Variants in FAM171A1 observed in about 807,000 individuals in gnomAD.
FAM171A1 encodes family with sequence similarity 171 member A1.
A neutral mutation model predicts 74.9 loss-of-function variants in FAM171A1; 23 were observed. The observed-to-expected ratio is 0.31, with a 90% CI of 0.22 to 0.44. The LOEUF (loss-of-function observed/expected upper bound fraction) is 0.44, where lower values mean the gene tolerates loss of function less well. FAM171A1 is among the 20% of genes least tolerant of loss of function. The pLI is 1.00. For synonymous variants in FAM171A1, 527 were observed against 505.7 expected (o/e 1.04, Z -0.57); for missense variants, 1,162 against 1,159.2 (o/e 1.00, Z -0.03).
intron 5 of FAM171A1, among the ~76,000 whole-genome samples, chr10:15,223,021 G>A (rs983088563): frequency 6.6e-5 from 10 of 152,218 alleles, no homozygotes; most frequent in African/African-American, 2.4e-4. Context: ...TACAAGGGGA[G>A]CGACAACGTA....
intron 1 of FAM171A1, among the ~76,000 whole-genome samples, chr10:15,332,622 A>T (rs1209345523): frequency 6.6e-6 from 1 of 152,202 alleles, no homozygotes; most frequent in Non-Finnish European, 1.5e-5. Flanking sequence ...GATGAGTGTC[A>T]TGAATTTATG....
Position 15,275,921 on chromosome 10 carries a change from G to T in FAM171A1, c.352C>A (p.Leu118Ile), listed in dbSNP as rs1386997811. ...PVFSSLSLGL[L>I]PERSATLMVY... ...ATTAGAGTGGCAGAGCGTTCTGGAA[G>T]CAGGCCAAGGCTCAGAGAGGAAAAT... The change falls in exon 3 of 8, where the codon CTT becomes ATT. Residue 118 changes from leucine to isoleucine, a missense_variant. Coordinates refer to ENST00000378116, the MANE Select transcript of FAM171A1 (RefSeq NM_001010924.2). 2 of 1,612,498 alleles carry T rather than the reference G, an allele frequency of 1.2e-6. No individual in the cohort carries two copies. Among genetic ancestry groups the T allele is most frequent in the South Asian group, 2.2e-5 (2 of 90,762 alleles).
At position 15,248,634 on chromosome 10, in the gene FAM171A1, C is replaced by CT; in HGVS notation, c.754+4dup. On this transcript the variant is annotated splice_donor_region_variant and intron_variant, in intron 5 of 7. Transcript: ENST00000378116. ...GCCGATTGTCGGCACAGAACTCTTGCTTACCCAGCTTCTGGTCAAACCGCC... is the reference window on the plus strand; with the variant it reads ...GCCGATTGTCGGCACAGAACTCTTGCTTTACCCAGCTTCTGGTCAAACCGCC... The CT allele has an allele frequency of 6.3e-7, 1 of 1,598,132 alleles. No homozygotes were observed. Among genetic ancestry groups the CT allele is most frequent in the Non-Finnish European group, 8.5e-7 (1 of 1,171,882 alleles).
chr10:15,266,085 C>T (rs1285950471), intron 3 of FAM171A1, among the ~76,000 whole-genome samples: 1 of 152,146 alleles, frequency 6.6e-6, no homozygotes, highest in Non-Finnish European at 1.5e-5. Flanking sequence ...CCCACGGACG[C>T]CGTCTGCTCC....
chr10:15,235,441 A>G (rs1269993561), intron 5 of FAM171A1, among the ~76,000 whole-genome samples: 1 of 149,880 alleles, frequency 6.7e-6, no homozygotes, highest in African/African-American at 2.5e-5. Flanking sequence ...CATACACATG[A>G]CATCCATGGC....
At chr10:15,312,400 T>C (rs574717091) in intron 1 of FAM171A1, among the ~76,000 whole-genome samples, 1 of 152,258 alleles carries the variant, frequency 6.6e-6, no homozygotes, top group East Asian at 1.9e-4. Flanking sequence ...TTAAAGCCTC[T>C]GAACCCTTTA....
At chr10:15,332,596 T>G (rs530482511) in intron 1 of FAM171A1, among the ~76,000 whole-genome samples, 1 of 152,246 alleles carries the variant, frequency 6.6e-6, no homozygotes, top group East Asian at 1.9e-4. Flanking sequence ...TATGATAGAG[T>G]TTGCCAACCT....
At chr10:15,341,527 C>T (rs2131870269) in intron 1 of FAM171A1, among the ~76,000 whole-genome samples, 1 of 152,306 alleles carries the variant, frequency 6.6e-6, no homozygotes, top group African/African-American at 2.4e-5. Context: ...AAGAAGATTT[C>T]TGATCGGATC....
chr10:15,304,449 C>T (rs11812587), intron 1 of FAM171A1, among the ~76,000 whole-genome samples: 36,266 of 151,996 alleles, frequency 0.24, 4,709 homozygotes, highest in African/African-American at 0.33. Context: ...GCCCTGATGA[C>T]GCCAGGGCCA....
chr10:15,264,973 T>G (rs543242242), intron 3 of FAM171A1, among the ~76,000 whole-genome samples: 56 of 152,158 alleles, frequency 3.7e-4, no homozygotes, highest in Non-Finnish European at 5.0e-4. Context: ...TTGCCATGCC[T>G]CAATACGACC....
Position 15,352,177 on chromosome 10 carries a change from T to C in FAM171A1, c.97+18779A>G, listed in dbSNP as rs548426976. ...TTGTTTGAACCTGGGAGGTGGAGGTTGCAATGAGCCGAAATCACGCCACTG... is the reference window on the plus strand; with the variant it reads ...TTGTTTGAACCTGGGAGGTGGAGGTCGCAATGAGCCGAAATCACGCCACTG... On this transcript the variant is annotated intron_variant, in intron 1 of 7. Transcript: ENST00000378116. 2.2e-3 allele frequency among the ~76,000 whole-genome samples: 333 copies of C among 151,782 alleles called. 1 individual carries two copies. Among genetic ancestry groups the C allele is most frequent in the African/African-American group, 7.5e-3 (311 of 41,358 alleles).
intron 5 of FAM171A1, among the ~76,000 whole-genome samples, chr10:15,229,449 C>T (rs547114842): frequency 6.7e-6 from 1 of 148,998 alleles, no homozygotes. Flanking sequence ...CCATCGTCAC[C>T]ACCATCATTG....
intron 2 of FAM171A1, 105 bp downstream of exon 2, chr10:15,283,773 T>A: frequency 9.2e-7 from 1 of 1,086,078 alleles, no homozygotes; most frequent in Non-Finnish European, 1.4e-6. Context: ...TTTGTAGAGA[T>A]GCAGTCTCAC....
chr10:15,242,980 A>T (rs185545036), intron 5 of FAM171A1, among the ~76,000 whole-genome samples: 73 of 152,332 alleles, frequency 4.8e-4, no homozygotes, highest in Middle Eastern at 3.4e-3. Flanking sequence ...TATAAAAAAC[A>T]TTACCACAAA....
In FAM171A1 at chr10:15,214,525, G is replaced by A. The variant is rs911960365; in HGVS notation, c.1063C>T (p.Gln355Ter). ...PAGLESSKRD[Q>*]STSMSHINLL... ...TTAATGTGTGACATGGACGTGGACTGGTCTCTTTTGGAACTCTCCAGTCCT... is the reference window on the plus strand; with the variant it reads ...TTAATGTGTGACATGGACGTGGACTAGTCTCTTTTGGAACTCTCCAGTCCT... The change falls in exon 8 of 8, where the codon CAG (glutamine) becomes TAG (stop). Residue 355 changes from glutamine (Q) to a stop codon, truncating the protein, a stop_gained. Coordinates refer to ENST00000378116, the MANE Select transcript of FAM171A1 (RefSeq NM_001010924.2). LOFTEE classifies it high-confidence loss of function. 1 of 1,614,050 alleles carries A rather than the reference G, an allele frequency of 6.2e-7. No homozygotes were observed.
rs112584305 is a variant in FAM171A1 at position 15,222,411 on chromosome 10, G to A, written c.755-1351C>T. 2.1e-4 allele frequency among the ~76,000 whole-genome samples: 32 copies of A among 152,276 alleles called. 1 individual carries two copies. The highest frequency in any genetic ancestry group is 6.0e-4 in the African/African-American group (25 of 41,550). ...CCCATTGCTCCTAGGCTACAAACCC[G>A]TACATCGTGTGACTGCGCTGAATAC... On this transcript the variant is annotated intron_variant, in intron 5 of 7. Transcript: ENST00000378116.
Position 15,284,084 on chromosome 10 carries a change from A to G in FAM171A1, c.119T>C (p.Ile40Thr). 1 of 1,613,744 alleles carries G rather than the reference A, an allele frequency of 6.2e-7. No homozygotes were observed. The highest frequency in any genetic ancestry group is 2.2e-5 in the East Asian group (1 of 44,860). Residue 40 changes from isoleucine to threonine, a missense_variant, in exon 2 of 8, where the codon ATC becomes ACC. Ile to Thr is a moderately conservative substitution (Grantham distance 89, BLOSUM62 -1). Transcript: ENST00000378116. Reference protein sequence around the residue: ...GAQEVTLKVHISDASTHQPVA... With the variant: ...GAQEVTLKVHTSDASTHQPVA... ...GGGCTGGTGGGTGCTGGCGTCGCTG[A>G]TGTGCACCTTTAACGTCACCTCTGG...
At chr10:15,292,236 G>A (rs1835110796) in intron 1 of FAM171A1, among the ~76,000 whole-genome samples, 1 of 152,056 alleles carries the variant, frequency 6.6e-6, no homozygotes, top group African/African-American at 2.4e-5. Flanking sequence ...CCTTCACCTT[G>A]GGGGTTAAGA....
chr10:15,327,936 A>G (rs1426866750), intron 1 of FAM171A1, among the ~76,000 whole-genome samples: 1 of 50,014 alleles, frequency 2.0e-5, no homozygotes, highest in Non-Finnish European at 4.3e-5. Flanking sequence ...CTAAAATAAA[A>G]GTAAAAAAAA....
Sources: gnomAD v4.1 joint callset for allele counts (sites outside exome capture counted in the v4.1 genomes callset) on GRCh38, gnomAD v4.1.1 for gene constraint, MANE v1.5 for transcripts, NCBI Gene and HGNC (gene_info 2026-07-23, HGNC 2026-07-21) for gene names.